The following SLC25A30 variants were observed in gnomAD, a reference collection of about 807,000 sequenced individuals.
SLC25A30 encodes the protein kidney mitochondrial carrier protein 1.
In SLC25A30, 29 loss-of-function variants were observed where a neutral mutation model predicts 42.7. That is an observed-to-expected ratio of 0.68 (90% CI 0.51 to 0.93). SLC25A30 has a LOEUF of 0.93. Ranked by LOEUF, SLC25A30 falls within the 40% of genes least tolerant of loss-of-function variation. The pLI, the probability that SLC25A30 is intolerant of heterozygous loss-of-function variation, is 0.00. For synonymous variants in SLC25A30, 124 were observed against 131.0 expected (o/e 0.95, Z 0.37); for missense variants, 300 against 359.7 (o/e 0.83, Z 1.34).
the SLC25A30 span, among the ~76,000 whole-genome samples, chr13:45,433,947 A>G: frequency 6.6e-6 from 1 of 152,156 alleles, no homozygotes; most frequent in Non-Finnish European, 1.5e-5. Flanking sequence ...ATCCAGTTTG[A>G]AAAAAATACT....
intron 1 of SLC25A30, among the ~76,000 whole-genome samples, chr13:45,415,325 T>C (rs1223625405): frequency 1.3e-5 from 2 of 152,148 alleles, no homozygotes; most frequent in African/African-American, 2.4e-5. Context: ...TTCCTCTAGA[T>C]AGTACTTTGC....
At chr13:45,418,225 C>T (rs997405262) in intron 1 of SLC25A30, 75 bp downstream of exon 1, 2 of 152,632 alleles carry the variant, frequency 1.3e-5, no homozygotes, top group African/African-American at 4.8e-5. Context: ...CGCAGCCCAA[C>T]CTTACCCCAG....
At chr13:45,407,356 C>T (rs1056178468) in intron 3 of SLC25A30, among the ~76,000 whole-genome samples, 3 of 151,654 alleles carry the variant, frequency 2.0e-5, no homozygotes, top group African/African-American at 7.3e-5. Flanking sequence ...CCTGGGCAAC[C>T]GAGTGAAACG....
At position 45,395,199 on chromosome 13, in the gene SLC25A30, G is replaced by A; in HGVS notation, c.*775C>T. On this transcript the variant is annotated 3_prime_UTR_variant, in exon 10 of 10. Coordinates refer to ENST00000519676, the MANE Select transcript of SLC25A30 (RefSeq NM_001010875.4). ...ATTTTACTCATTGAGAAATACATAT[G>A]CTTTGCTAAAAATCATAAAGCTAAT... The A allele has an allele frequency of 8.1e-6, 8 of 984,572 alleles. No individual in the cohort carries two copies. The highest frequency in any genetic ancestry group is 9.6e-6 in the Non-Finnish European group (8 of 829,174). 61.0% of individuals were successfully genotyped at this position (984,572 alleles called of 1,614,324 possible).
Position 45,405,886 on chromosome 13 carries a change from C to T in SLC25A30, c.304G>A (p.Glu102Lys). 3.1e-6 allele frequency: 5 copies of T among 1,614,110 alleles called. No homozygotes were observed. Among genetic ancestry groups the T allele is most frequent in the Non-Finnish European group, 4.2e-6 (5 of 1,179,960 alleles). ...GGAAAACAGATTCCCCACTCACCTT[C>T]TGGGCGTTCAATGAATAGTCGCTTC... ...SLKRLFIERP[E>K]DETLPINVIC... Residue 102 changes from glutamate (E) to lysine (K), a missense_variant, in exon 4 of 10, where the codon GAA becomes AAA. Transcript: ENST00000519676.
rs1446066744 is a variant in SLC25A30 at position 45,404,401 on chromosome 13, G to A, written c.319C>T (p.Pro107Ser). 1.2e-6 allele frequency: 2 copies of A among 1,611,540 alleles called. No individual in the cohort carries two copies. The highest frequency in any genetic ancestry group is 1.7e-6 in the Non-Finnish European group (2 of 1,177,794). ...AGAATTCCACATATCACATTTATCGGTAGAGTTTCATCTGTAAACAATGAC... is the reference window on the plus strand; with the variant it reads ...AGAATTCCACATATCACATTTATCGATAGAGTTTCATCTGTAAACAATGAC... The part of the protein sequence containing the change: ...FIERPEDETL[P>S]INVICGILSG... Residue 107 changes from proline to serine, a missense_variant, in exon 5 of 10, where the codon CCG becomes TCG. Physicochemically the swap from Pro to Ser is moderately conservative, Grantham distance 74. Transcript: ENST00000519676.
At chr13:45,427,753 CTTTTCTTTTT>C in the SLC25A30 span, among the ~76,000 whole-genome samples, 1 of 151,358 alleles carries the variant, frequency 6.6e-6, no homozygotes, top group Non-Finnish European at 1.5e-5. Flanking sequence ...CTTTTCTTTT[CTTTTCTTTTT>C]GAGACAGATC....
chr13:45,418,361 C>T lies in SLC25A30; in HGVS notation c.-117G>A, dbSNP rs1266302193. On this transcript the variant is annotated 5_prime_UTR_variant, in exon 1 of 10. Transcript: ENST00000519676. Reference sequence around the variant, plus strand: ...CTCAGTTGTAACAAGAACCTGAGGCCGCTGGAGAAAAGGAAAAAATGCCGT... The same window carrying T: ...CTCAGTTGTAACAAGAACCTGAGGCTGCTGGAGAAAAGGAAAAAATGCCGT... 2 of 152,264 alleles carry T rather than the reference C, an allele frequency of 1.3e-5. No individual in the cohort carries two copies. The highest frequency in any genetic ancestry group is 4.8e-5 in the African/African-American group (2 of 41,436). The allele number at this position is 152,264 out of a possible 1,614,324, so 9.4% of individuals were successfully genotyped here.
chr13:45,406,544 G>A (rs1342855641), intron 3 of SLC25A30, among the ~76,000 whole-genome samples: 1 of 152,122 alleles, frequency 6.6e-6, no homozygotes. Flanking sequence ...TCCTCCATCC[G>A]ATATGCCTGT....
At chr13:45,400,063 C>T (rs1881808588) in intron 7 of SLC25A30, among the ~76,000 whole-genome samples, 1 of 146,640 alleles carries the variant, frequency 6.8e-6, no homozygotes, top group Admixed American at 6.8e-5. Flanking sequence ...CACACACACA[C>T]ACATATGAAT....
At chr13:45,408,616 C>T (rs1357575669) in intron 3 of SLC25A30, among the ~76,000 whole-genome samples, 1 of 152,140 alleles carries the variant, frequency 6.6e-6, no homozygotes, top group Non-Finnish European at 1.5e-5. Flanking sequence ...CTCCTTAATT[C>T]AGAATATCTA....
In SLC25A30 at chr13:45,395,485, G is replaced by A; in HGVS notation, c.*489C>T. 1 of 1,040,484 alleles carries A rather than the reference G, an allele frequency of 9.6e-7. No individual in the cohort carries two copies. The highest frequency in any genetic ancestry group is 1.2e-6 in the Non-Finnish European group (1 of 862,190). The allele number at this position is 1,040,484 out of a possible 1,614,324, so 64.5% of individuals were successfully genotyped here. A position where few individuals can be genotyped will look rare whatever the true frequency, so the allele number is the denominator to read the frequency against. On this transcript the variant is annotated 3_prime_UTR_variant, in exon 10 of 10. Coordinates refer to ENST00000519676, the MANE Select transcript of SLC25A30 (RefSeq NM_001010875.4). ...CACCGTTTATACCTGGGGTTGAACA[G>A]TCCAGGTCTCCATACATGAAATTTC...
chr13:45,425,307 T>C, the SLC25A30 span, among the ~76,000 whole-genome samples: 1 of 96,078 alleles, frequency 1.0e-5, no homozygotes, highest in African/African-American at 5.0e-5. Flanking sequence ...TACGTATATA[T>C]AAATATATAT....
chr13:45,395,385 A>G lies in SLC25A30; in HGVS notation c.*589T>C. 1 of 986,528 alleles carries G rather than the reference A, an allele frequency of 1.0e-6. No individual in the cohort carries two copies. The highest frequency in any genetic ancestry group is 1.2e-6 in the Non-Finnish European group (1 of 830,650). 61.1% of individuals were successfully genotyped at this position (986,528 alleles called of 1,614,324 possible). On this transcript the variant is annotated 3_prime_UTR_variant, in exon 10 of 10. Transcript: ENST00000519676. ...TGTCAAGTCTTCAAAGCTTAAAATC[A>G]CTTATTATAAGTGGAAGATCCTGCC... is the stretch of plus-strand genomic sequence containing the variant.
the SLC25A30 span, among the ~76,000 whole-genome samples, chr13:45,423,554 AAAAAAAATATATAAATATATAT>A: frequency 2.1e-5 from 1 of 46,992 alleles, no homozygotes; most frequent in Non-Finnish European, 5.1e-5. Context: ...ATAAATACAT[AAAAAAAATATATAAATATATAT>A]AAAAATATAT....
chr13:45,423,757 T>TAAATATATAC, the SLC25A30 span, among the ~76,000 whole-genome samples: 3 of 74,920 alleles, frequency 4.0e-5, no homozygotes. Flanking sequence ...TAAATATATA[T>TAAATATATAC]AAATATATAA....
chr13:45,401,329 C>T (rs1266060513), intron 6 of SLC25A30, 122 bp from the exon 7 acceptor site: 18 of 1,004,592 alleles, frequency 1.8e-5, no homozygotes, highest in Non-Finnish European at 1.5e-5. Flanking sequence ...TCTGGGGAGG[C>T]AGAAATGTAG....
chr13:45,432,224 C>G, the SLC25A30 span, among the ~76,000 whole-genome samples: 1 of 147,438 alleles, frequency 6.8e-6, no homozygotes, highest in South Asian at 2.2e-4. Context: ...GAGCCGAGAT[C>G]ATATCACTGC....
chr13:45,395,267 C>G lies in SLC25A30; in HGVS notation c.*707G>C, dbSNP rs1347530204. Reference sequence around the variant, plus strand: ...ACAGAACCTAAGCTGCTTGAAAACACCCCCCACCAATACAGACCTTGCAAC... The same window carrying G: ...ACAGAACCTAAGCTGCTTGAAAACAGCCCCCACCAATACAGACCTTGCAAC... On this transcript the variant is annotated 3_prime_UTR_variant, in exon 10 of 10. Coordinates refer to ENST00000519676, the MANE Select transcript of SLC25A30 (RefSeq NM_001010875.4). The G allele has an allele frequency of 3.0e-6, 3 of 985,406 alleles. No homozygotes were observed. The highest frequency in any genetic ancestry group is 3.5e-5 in the African/African-American group (2 of 57,344). 61.0% of individuals were successfully genotyped at this position (985,406 alleles called of 1,614,324 possible). A position where few individuals can be genotyped will look rare whatever the true frequency, so the allele number is the denominator to read the frequency against.
Sources: allele counts gnomAD v4.1 joint callset (sites outside exome capture counted in the v4.1 genomes callset), GRCh38; gene constraint gnomAD v4.1.1; transcripts MANE v1.5; gene names NCBI Gene and HGNC (gene_info 2026-07-23, HGNC 2026-07-21).